ADGRB3: variants seen among roughly 807,000 people sequenced by gnomAD.
ADGRB3 encodes the protein brain-specific angiogenesis inhibitor 3.
ADGRB3 carries 37 observed loss-of-function variants against 193.4 expected under a neutral mutation model. That is an observed-to-expected ratio of 0.19 (90% CI 0.15 to 0.25). The LOEUF is 0.25. Ranked by LOEUF, ADGRB3 falls within the 10% of genes least tolerant of loss-of-function variation. The pLI is 1.00. For synonymous variants in ADGRB3, 690 were observed against 644.2 expected (o/e 1.07, Z -1.08); for missense variants, 1,637 against 1,852.9 (o/e 0.88, Z 2.14).
intron 17 of ADGRB3, among the ~76,000 whole-genome samples, chr6:69,210,005 T>C (rs1174173675): frequency 6.6e-6 from 1 of 151,010 alleles, no homozygotes; most frequent in Non-Finnish European, 1.5e-5. Context: ...ATGAAAGAAC[T>C]CCATCCTTAA....
intron 18 of ADGRB3, 132 bp from the exon 19 acceptor site, chr6:69,234,900 T>C (rs527997034): frequency 1.6e-6 from 1 of 638,200 alleles, no homozygotes; most frequent in East Asian, 2.8e-5. Flanking sequence ...AGTGGATTCA[T>C]GGGTAACTAT....
chr6:69,118,587 G>A (rs570580744), intron 17 of ADGRB3, among the ~76,000 whole-genome samples: 13 of 151,946 alleles, frequency 8.6e-5, no homozygotes, highest in African/African-American at 2.9e-4. Flanking sequence ...TTACTTCCAA[G>A]GGTCTCTGGG....
intron 17 of ADGRB3, among the ~76,000 whole-genome samples, chr6:69,161,168 G>T (rs1381991776): frequency 6.6e-6 from 1 of 151,854 alleles, no homozygotes; most frequent in Non-Finnish European, 1.5e-5. Context: ...TATGTAATCT[G>T]CACAATTAGT....
intron 3 of ADGRB3, among the ~76,000 whole-genome samples, chr6:68,925,087 G>GATT (rs1767143835): frequency 6.6e-6 from 1 of 151,744 alleles, no homozygotes; most frequent in Non-Finnish European, 1.5e-5. Context: ...AAATGTTTTT[G>GATT]ATTATATAAA....
chr6:69,278,053 A>C (rs927955836), intron 20 of ADGRB3, among the ~76,000 whole-genome samples: 3 of 152,182 alleles, frequency 2.0e-5, no homozygotes, highest in African/African-American at 7.2e-5. Flanking sequence ...TTTGCACATA[A>C]GGTGCTTTTC....
At chr6:68,949,610 G>C (rs562867069) in intron 6 of ADGRB3, among the ~76,000 whole-genome samples, 1 of 152,202 alleles carries the variant, frequency 6.6e-6, no homozygotes, top group African/African-American at 2.4e-5. Flanking sequence ...CTGGAACTTG[G>C]TTCAAAGGTC....
At chr6:68,704,933 A>C (rs1765300349) in intron 3 of ADGRB3, among the ~76,000 whole-genome samples, 1 of 152,224 alleles carries the variant, frequency 6.6e-6, no homozygotes, top group Non-Finnish European at 1.5e-5. Flanking sequence ...GTCTCTATTT[A>C]TTATAATTAA....
chr6:68,749,942 G>A (rs1766163725), intron 3 of ADGRB3, among the ~76,000 whole-genome samples: 1 of 152,064 alleles, frequency 6.6e-6, no homozygotes, highest in South Asian at 2.1e-4. Flanking sequence ...ATTTAATGTG[G>A]TCTTATTCAT....
intron 3 of ADGRB3, among the ~76,000 whole-genome samples, chr6:68,827,243 G>C (rs1189619714): frequency 6.6e-6 from 1 of 151,990 alleles, no homozygotes; most frequent in African/African-American, 2.4e-5. Flanking sequence ...TGAAAATTAT[G>C]GAGTGATCAA....
At chr6:68,659,829 A>G (rs73748137) in intron 3 of ADGRB3, among the ~76,000 whole-genome samples, 5,475 of 151,150 alleles carry the variant, frequency 0.036, 310 homozygotes, top group African/African-American at 0.13. Context: ...AATGAAACTT[A>G]ACACAGCAGT....
At chr6:68,984,146 G>A (rs1013574784) in intron 10 of ADGRB3, among the ~76,000 whole-genome samples, 3 of 152,116 alleles carry the variant, frequency 2.0e-5, no homozygotes, top group Non-Finnish European at 2.9e-5. Context: ...CAATGGGAAT[G>A]CATTGAGAAG....
intron 20 of ADGRB3, among the ~76,000 whole-genome samples, chr6:69,282,486 A>T (rs1235048676): frequency 6.6e-6 from 1 of 152,200 alleles, no homozygotes; most frequent in Non-Finnish European, 1.5e-5. Flanking sequence ...AGGTCACTCC[A>T]TCTAAGTAAT....
rs187208002 is a variant in ADGRB3, at chr6:68,941,368, G to T, written c.1031-2462G>T. On this transcript the variant is annotated intron_variant, in intron 5 of 31. Transcript: ENST00000370598. ...GAAAAAAAATCTTTTTTAAAATGAT[G>T]TGAATGAGCCATGAACTTTTACCGT... 3.9e-5 allele frequency among the ~76,000 whole-genome samples: 6 copies of T among 152,224 alleles called. 1 individual carries two copies. The East Asian group carries it at 1.2e-3, about 29-fold the overall frequency.
intron 3 of ADGRB3, among the ~76,000 whole-genome samples, chr6:68,683,045 A>G (rs1490302929): frequency 6.6e-6 from 1 of 152,144 alleles, no homozygotes; most frequent in Non-Finnish European, 1.5e-5. Context: ...TTGGCCTCCC[A>G]AAGTGCTGGG....
chr6:68,917,375 T>C (rs996156358), intron 3 of ADGRB3, among the ~76,000 whole-genome samples: 1 of 152,230 alleles, frequency 6.6e-6, no homozygotes, highest in Non-Finnish European at 1.5e-5. Context: ...TCCTATGGAT[T>C]TGACCTACTT....
At chr6:68,823,735 T>G (rs978707203) in intron 3 of ADGRB3, among the ~76,000 whole-genome samples, 5 of 152,244 alleles carry the variant, frequency 3.3e-5, no homozygotes, top group Middle Eastern at 3.4e-3. Flanking sequence ...ATGGGGGTCA[T>G]GTTATAAAAT....
intron 10 of ADGRB3, among the ~76,000 whole-genome samples, chr6:68,983,317 A>C (rs1768980176): frequency 6.6e-6 from 1 of 151,754 alleles, no homozygotes; most frequent in Non-Finnish European, 1.5e-5. Context: ...TGTGGCTTGG[A>C]GGATAAATGT....
chr6:68,708,623 G>T (rs1765363262), intron 3 of ADGRB3, among the ~76,000 whole-genome samples: 1 of 152,132 alleles, frequency 6.6e-6, no homozygotes, highest in Admixed American at 6.6e-5. Context: ...CAATTAAATA[G>T]ATCTAACATT....
At chr6:69,206,045 G>GCATATATATA (rs1554169625) in intron 17 of ADGRB3, among the ~76,000 whole-genome samples, 1 of 99,952 alleles carries the variant, frequency 1.0e-5, no homozygotes, top group Non-Finnish European at 1.9e-5. Flanking sequence ...TATAATAATG[G>GCATATATATA]TATATATATA....
Sources: allele counts gnomAD v4.1 joint callset (sites outside exome capture counted in the v4.1 genomes callset), GRCh38; gene constraint gnomAD v4.1.1; transcripts MANE v1.5; gene names NCBI Gene and HGNC (gene_info 2026-07-23, HGNC 2026-07-21).